Variants in CHODL observed in about 807,000 individuals in gnomAD.
The protein encoded by CHODL is transmembrane protein MT75.
A neutral mutation model predicts 34.5 loss-of-function variants in CHODL; 29 were observed. The ratio of observed to expected loss-of-function variants is 0.84; its 90% confidence interval spans 0.63 to 1.15. CHODL has a LOEUF of 1.15. Ranked by LOEUF, CHODL falls within the 50% of genes most tolerant of loss-of-function variation. The pLI, the probability that CHODL is intolerant of heterozygous loss-of-function variation, is 0.00. For synonymous variants in CHODL, 125 were observed against 116.1 expected, an observed-to-expected ratio of 1.08 and a Z score of -0.49; for missense variants, 332 against 332.5, an observed-to-expected ratio of 1.00 and a Z score of 0.01.
At chr21:18,206,987 C>T (rs1165370849) in intron 2 of CHODL, among the ~76,000 whole-genome samples, 1 of 151,942 alleles carries the variant, frequency 6.6e-6, no homozygotes, top group African/African-American at 2.4e-5. Flanking sequence ...CTGCACCCAT[C>T]AACTCGTCAT....
rs909469709 is a variant in CHODL, at chr21:18,010,067, C to T, written c.-144-17805C>T. Among the ~76,000 whole-genome samples the T allele has an allele frequency of 2.5e-5, 3 of 122,034 alleles. No individual in the cohort carries two copies. The East Asian group carries it at 7.9e-4, about 32-fold the overall frequency. 80.1% of individuals were successfully genotyped at this position (122,034 alleles called of 152,430 possible). On this transcript the variant is annotated intron_variant, in intron 1 of 6. Coordinates refer to the CHODL transcript ENST00000400127. ...AGAATTATTAAAAAGAAAACTGGTT[C>T]AATCGAGACCATCCTGGCTAACAGG...
intron 2 of CHODL, among the ~76,000 whole-genome samples, chr21:18,158,489 A>G (rs1249876107): frequency 6.6e-6 from 1 of 152,192 alleles, no homozygotes; most frequent in Non-Finnish European, 1.5e-5. Flanking sequence ...TACATTTTCT[A>G]TTCATTTTAC....
intron 2 of CHODL, among the ~76,000 whole-genome samples, chr21:18,052,513 G>A (rs976623642): frequency 2.0e-5 from 3 of 151,858 alleles, no homozygotes; most frequent in African/African-American, 4.8e-5. Flanking sequence ...AAAAGTATAA[G>A]TCTGTACTTT....
intron 2 of CHODL, among the ~76,000 whole-genome samples, chr21:18,080,004 T>C (rs1370688979): frequency 6.6e-6 from 1 of 152,128 alleles, no homozygotes; most frequent in African/African-American, 2.4e-5. Context: ...ATCTATTGTT[T>C]TCTGACTTTT....
rs150086674 is a variant in CHODL, at chr21:17,972,224, A to G, written c.-145+54824A>G. 9.4e-3 allele frequency among the ~76,000 whole-genome samples: 1,436 copies of G among 152,296 alleles called. 10 individuals carry two copies. Among genetic ancestry groups the G allele is most frequent in the Non-Finnish European group, 0.015 (1,019 of 68,022 alleles). ...AAAGCTGGAAGCATTCCCTTTGAAA[A>G]CTGGCACAAGACAAGAATGCCCTCT... On this transcript the variant is annotated intron_variant, in intron 1 of 6. Coordinates refer to the CHODL transcript ENST00000400127.
chr21:18,245,349 C>A, intron 1 of CHODL, 47 bp downstream of exon 1: 1 of 1,434,358 alleles, frequency 7.0e-7, no homozygotes, highest in Non-Finnish European at 9.2e-7. Context: ...GAGAGGGGAC[C>A]ACGGGGCGCG....
chr21:17,931,649 A>T (rs1307699108), intron 1 of CHODL, among the ~76,000 whole-genome samples: 1 of 152,204 alleles, frequency 6.6e-6, no homozygotes, highest in African/African-American at 2.4e-5. Flanking sequence ...AATGAAACAA[A>T]ATCAGGAAAA....
At chr21:18,013,635 C>CTTTGTTTTTTTTTTTTTTT (rs2064040828) in intron 1 of CHODL, among the ~76,000 whole-genome samples, 1 of 71,896 alleles carries the variant, frequency 1.4e-5, no homozygotes, top group African/African-American at 6.3e-5. Context: ...GCTGCTGCTG[C>CTTTGTTTTTTTTTTTTTTT]TTTTTTTTTT....
intron 2 of CHODL, among the ~76,000 whole-genome samples, chr21:18,146,963 G>T (rs1036980387): frequency 6.6e-6 from 1 of 152,184 alleles, no homozygotes; most frequent in Non-Finnish European, 1.5e-5. Context: ...AGGGTGAAAA[G>T]TGACTCATTA....
At chr21:17,970,527 A>T (rs926520284) in intron 1 of CHODL, among the ~76,000 whole-genome samples, 2 of 152,232 alleles carry the variant, frequency 1.3e-5, no homozygotes, top group African/African-American at 4.8e-5. Flanking sequence ...ACTGAGATGT[A>T]TCTGCCCAAT....
At chr21:17,977,163 C>T (rs957339179) in intron 1 of CHODL, among the ~76,000 whole-genome samples, 1 of 152,024 alleles carries the variant, frequency 6.6e-6, no homozygotes, top group Non-Finnish European at 1.5e-5. Context: ...ATATTCTTCC[C>T]ATTTATAGAT....
At chr21:18,098,921 G>A (rs1443348638) in intron 2 of CHODL, among the ~76,000 whole-genome samples, 1 of 123,448 alleles carries the variant, frequency 8.1e-6, no homozygotes, top group Non-Finnish European at 2.0e-5. Context: ...TCTGTTATTT[G>A]CAACAACATG....
chr21:18,062,855 A>G (rs1250447292), intron 2 of CHODL, among the ~76,000 whole-genome samples: 1 of 152,128 alleles, frequency 6.6e-6, no homozygotes, highest in Non-Finnish European at 1.5e-5. Context: ...ACACTGTAAA[A>G]GAAAAATTTG....
At chr21:18,017,210 A>G (rs960958993) in intron 1 of CHODL, among the ~76,000 whole-genome samples, 3 of 152,076 alleles carry the variant, frequency 2.0e-5, no homozygotes, top group African/African-American at 7.2e-5. Context: ...GCAGGGGTGG[A>G]GTGATATGGT....
chr21:17,983,157 T>C (rs990927674), intron 1 of CHODL, among the ~76,000 whole-genome samples: 2 of 152,220 alleles, frequency 1.3e-5, no homozygotes, highest in African/African-American at 4.8e-5. Flanking sequence ...CTAATCTGCT[T>C]TATTTCTAAC....
At chr21:18,070,730 C>G (rs1027843155) in intron 2 of CHODL, among the ~76,000 whole-genome samples, 3 of 152,020 alleles carry the variant, frequency 2.0e-5, no homozygotes, top group Non-Finnish European at 2.9e-5. Context: ...CAAAGAAGTG[C>G]GTTACATACC....
chr21:18,129,226 T>G, intron 2 of CHODL, among the ~76,000 whole-genome samples: 1 of 152,096 alleles, frequency 6.6e-6, no homozygotes, highest in Admixed American at 6.5e-5. Context: ...TTAATAAGAC[T>G]AGATATCTTA....
At chr21:18,259,589 G>T (rs1363751404) in intron 3 of CHODL, among the ~76,000 whole-genome samples, 3 of 152,120 alleles carry the variant, frequency 2.0e-5, no homozygotes, top group Non-Finnish European at 2.9e-5. Context: ...ACTAGGGAAA[G>T]AAACAACTTG....
upstream of CHODL, among the ~76,000 whole-genome samples, chr21:18,242,076 T>C (rs772096140): frequency 6.6e-6 from 1 of 152,102 alleles, no homozygotes; most frequent in Non-Finnish European, 1.5e-5. Flanking sequence ...TCTTGTTTGG[T>C]ATGAGCTGAC....
Sources: gnomAD v4.1 joint callset for allele counts (sites outside exome capture counted in the v4.1 genomes callset) on GRCh38, gnomAD v4.1.1 for gene constraint, MANE v1.5 for transcripts, NCBI Gene and HGNC (gene_info 2026-07-23, HGNC 2026-07-21) for gene names.